The following SOS2 variants were observed in gnomAD, a reference collection of about 807,000 sequenced individuals.
The protein encoded by SOS2 is SOS Ras/Rho guanine nucleotide exchange factor 2.
SOS2 carries 65 observed loss-of-function variants against 148.2 expected under a neutral mutation model. The ratio of observed to expected loss-of-function variants is 0.44; its 90% CI spans 0.36 to 0.54. The LOEUF (loss-of-function observed/expected upper bound fraction) is 0.54, where lower values mean the gene tolerates loss of function less well. Among genes scored for constraint, SOS2 ranks in the 20% least tolerant of loss-of-function variants. The pLI is 0.00. For synonymous variants in SOS2, 539 were observed against 537.1 expected, an observed-to-expected ratio of 1.00 and a Z score of -0.05; for missense variants, 1,341 against 1,590.2, an observed-to-expected ratio of 0.84 and a Z score of 2.67.
In SOS2 at chr14:50,117,366, G is replaced by A. The variant is rs1405420532; in HGVS notation, c.*978C>T. 3.3e-5 allele frequency: 5 copies of A among 152,074 alleles called. No individual in the cohort carries two copies. The highest frequency in any genetic ancestry group is 5.9e-5 in the Non-Finnish European group (4 of 68,024). 9.4% of individuals were successfully genotyped at this position (152,074 alleles called of 1,614,324 possible). A position where few individuals can be genotyped will look rare whatever the true frequency, so the allele number is the denominator to read the frequency against. ...TTAATAAAGCTTTAAGTATTTGCTG[G>A]TTTAAATATTACCAATCTAAAAAAT... On this transcript the variant is annotated 3_prime_UTR_variant, in exon 23 of 23. Coordinates refer to ENST00000216373, the MANE Select transcript of SOS2 (RefSeq NM_006939.4).
intron 21 of SOS2, among the ~76,000 whole-genome samples, chr14:50,124,246 G>A (rs1325602215): frequency 6.6e-6 from 1 of 152,162 alleles, no homozygotes; most frequent in African/African-American, 2.4e-5. Flanking sequence ...CAGAAACTGA[G>A]TCCTAAGGCC....
chr14:50,171,797 A>G (rs1258958003), intron 8 of SOS2, among the ~76,000 whole-genome samples: 1 of 152,014 alleles, frequency 6.6e-6, no homozygotes, highest in East Asian at 1.9e-4. Flanking sequence ...GTTTATTTGT[A>G]AGCGTCATTG....
At chr14:50,120,015 G>T (rs1466848150) in intron 22 of SOS2, among the ~76,000 whole-genome samples, 1 of 151,702 alleles carries the variant, frequency 6.6e-6, no homozygotes, top group Non-Finnish European at 1.5e-5. Context: ...GTTTCATCAT[G>T]TTGACCAGGC....
intron 8 of SOS2, among the ~76,000 whole-genome samples, chr14:50,167,309 A>G (rs1207089853): frequency 1.3e-5 from 2 of 152,090 alleles, no homozygotes; most frequent in Non-Finnish European, 2.9e-5. Context: ...ATACTCACAC[A>G]CACACAAAAA....
At chr14:50,227,251 T>C (rs1887407003) in intron 1 of SOS2, among the ~76,000 whole-genome samples, 1 of 143,768 alleles carries the variant, frequency 7.0e-6, no homozygotes, top group South Asian at 2.2e-4. Flanking sequence ...TTCTTTCTTT[T>C]TTTTTTTTTT....
Position 50,134,205 on chromosome 14 carries a change from G to A in SOS2, c.2993C>T (p.Ala998Val), listed in dbSNP as rs772518224. 1 of 1,603,228 alleles carries A rather than the reference G, an allele frequency of 6.2e-7. No homozygotes were observed. Reference sequence around the variant, plus strand: ...ATAATCTGTAAACTCTTTTTCAGATGCACTTCCCATGGGGTTAAGGTTTTC... The same window carrying A: ...ATAATCTGTAAACTCTTTTTCAGATACACTTCCCATGGGGTTAAGGTTTTC... The part of the protein sequence containing the change: ...FFENLNPMGS[A>V]SEKEFTDYLF... Residue 998 changes from alanine (A) to valine (V), a missense_variant, in exon 19 of 23, where the codon GCA becomes GTA. Around this residue, in one of 4 missense-constraint regions of SOS2, gnomAD observed 408 missense variants for 506.6 expected, o/e 0.81. Coordinates refer to ENST00000216373, the MANE Select transcript of SOS2 (RefSeq NM_006939.4).
At chr14:50,167,747 G>T (rs1376122768) in intron 8 of SOS2, among the ~76,000 whole-genome samples, 1 of 151,276 alleles carries the variant, frequency 6.6e-6, no homozygotes, top group Non-Finnish European at 1.5e-5. Flanking sequence ...GTGTGCACCT[G>T]TAATCCCAGC....
intron 4 of SOS2, among the ~76,000 whole-genome samples, chr14:50,191,673 T>C (rs1009531658): frequency 3.9e-5 from 6 of 152,086 alleles, no homozygotes; most frequent in Admixed American, 2.6e-4. Flanking sequence ...CAAGTAACAT[T>C]ATAATATATA....
intron 19 of SOS2, among the ~76,000 whole-genome samples, chr14:50,132,026 T>A (rs1174418975): frequency 6.6e-6 from 1 of 152,104 alleles, no homozygotes; most frequent in Non-Finnish European, 1.5e-5. Context: ...TGCACCCAGA[T>A]CAGCTGCAGA....
chr14:50,134,336 CTTAT>C, intron 18 of SOS2, 97 bp from the exon 19 acceptor site: 6 of 634,572 alleles, frequency 9.5e-6, no homozygotes, highest in Admixed American at 5.5e-5. Flanking sequence ...CTGAAAATTA[CTTAT>C]TTAATGCTAA....
At chr14:50,133,138 G>C (rs764866835) in intron 19 of SOS2, among the ~76,000 whole-genome samples, 2 of 150,750 alleles carry the variant, frequency 1.3e-5, no homozygotes, top group Non-Finnish European at 3.0e-5. Context: ...ACTTGAGGAA[G>C]CTTATGTTGG....
chr14:50,141,899 C>G (rs1884302508), intron 16 of SOS2, among the ~76,000 whole-genome samples: 1 of 152,080 alleles, frequency 6.6e-6, no homozygotes, highest in South Asian at 2.1e-4. Context: ...ACTAGTGGCA[C>G]TGGCACAAGA....
intron 13 of SOS2, among the ~76,000 whole-genome samples, chr14:50,151,493 G>A (rs760328935): frequency 3.9e-5 from 6 of 152,090 alleles, no homozygotes; most frequent in Non-Finnish European, 5.9e-5. Context: ...TATTTTACTA[G>A]GACCTGAGAA....
intron 1 of SOS2, among the ~76,000 whole-genome samples, chr14:50,222,340 T>C (rs1170742892): frequency 1.3e-5 from 2 of 152,150 alleles, no homozygotes; most frequent in African/African-American, 4.8e-5. Context: ...GGAGAAAGAA[T>C]CAAGTAGATT....
intron 12 of SOS2, 30 bp downstream of exon 12, chr14:50,156,969 A>C: frequency 7.8e-7 from 1 of 1,288,492 alleles, no homozygotes; most frequent in Non-Finnish European, 1.1e-6. Context: ...ATGTGTATAT[A>C]TATATATATA....
chr14:50,186,926 A>G (rs989986056), intron 5 of SOS2, among the ~76,000 whole-genome samples: 4 of 152,200 alleles, frequency 2.6e-5, no homozygotes, highest in Non-Finnish European at 5.9e-5. Context: ...ATACTCAACC[A>G]CCTGTGTCTG....
At chr14:50,141,680 A>G (rs1018266384) in intron 16 of SOS2, among the ~76,000 whole-genome samples, 1 of 152,230 alleles carries the variant, frequency 6.6e-6, no homozygotes, top group Non-Finnish European at 1.5e-5. Flanking sequence ...TAAAAATGTC[A>G]GTTCTTCACT....
intron 1 of SOS2, among the ~76,000 whole-genome samples, chr14:50,205,719 G>T (rs1810293202): frequency 6.6e-6 from 1 of 152,018 alleles, no homozygotes; most frequent in South Asian, 2.1e-4. Flanking sequence ...ATCACCTGAG[G>T]TCAGAAGTTT....
intron 10 of SOS2, among the ~76,000 whole-genome samples, chr14:50,159,137 C>G (rs1884915923): frequency 6.6e-6 from 1 of 151,428 alleles, no homozygotes; most frequent in Non-Finnish European, 1.5e-5. Context: ...TTGCAGTGAG[C>G]AGAGATAGCG....
Sources: gnomAD v4.1 joint callset for allele counts (sites outside exome capture counted in the v4.1 genomes callset) on GRCh38, gnomAD v4.1.1 for gene constraint, gnomAD v4.1.1 regional missense constraint, MANE v1.5 for transcripts, NCBI Gene and HGNC (gene_info 2026-07-23, HGNC 2026-07-21) for gene names.